Variants in ZNF689 observed in about 807,000 individuals in gnomAD.
The protein encoded by ZNF689 is short ORF-encoded histone-binding protein.
ZNF689 carries 14 observed loss-of-function variants against 37.2 expected under a neutral mutation model. That is an observed-to-expected ratio of 0.38 (90% CI 0.25 to 0.59). The LOEUF (loss-of-function observed/expected upper bound fraction) is 0.59, where lower values mean the gene tolerates loss of function less well. Ranked by LOEUF, ZNF689 falls within the 20% of genes least tolerant of loss-of-function variation. The pLI, the probability that ZNF689 is intolerant of heterozygous loss-of-function variation, is 0.68. For synonymous variants in ZNF689, 277 were observed against 283.3 expected (o/e 0.98, Z 0.22); for missense variants, 573 against 700.2 (o/e 0.82, Z 2.05).
chr16:30,604,360 C>A lies in ZNF689; in HGVS notation c.1407G>T (p.Arg469Ser), dbSNP rs771597092. Residue 469 changes from arginine to serine, a missense_variant, in exon 3 of 3, where the codon AGG (arginine) becomes AGT (serine). Arg to Ser is a moderately radical substitution (Grantham distance 110, BLOSUM62 -1). Around this residue, in one of 3 missense-constraint regions of ZNF689, gnomAD observed 317 missense variants for 367.1 expected, o/e 0.86. Transcript: ENST00000287461. The surrounding 1 kb of genome is among the most constrained non-coding windows in gnomAD (Gnocchi z 5.2). ...TACACTTGTGGACAGCCAGAGACCACCTCTGGCGGAAGCACCGGCCACACT... is the reference window on the plus strand; with the variant it reads ...TACACTTGTGGACAGCCAGAGACCAACTCTGGCGGAAGCACCGGCCACACT... ...CLECGRCFRQ[R>S]WSLAVHKCSP... 2 of 1,613,524 alleles carry A rather than the reference C, an allele frequency of 1.2e-6. No homozygotes were observed. Among genetic ancestry groups the A allele is most frequent in the African/African-American group, 2.7e-5 (2 of 74,952 alleles).
chr16:30,609,313 C>A, intron 2 of ZNF689: 25 of 277,450 alleles, frequency 9.0e-5, no homozygotes, highest in East Asian at 3.3e-4. Flanking sequence ...CCCACTGATT[C>A]ATTCACACAG....
Position 30,602,987 on chromosome 16 carries a change from T to C in ZNF689, c.*1277A>G, listed in dbSNP as rs1053913603. ...TGGCATGGATACAACTTGATGACTA[T>C]AGACTCTTCCTCTCTGGATTCAGTT... On this transcript the variant is annotated 3_prime_UTR_variant, in exon 3 of 3. Coordinates refer to ENST00000287461, the MANE Select transcript of ZNF689 (RefSeq NM_138447.3). 1 of 152,366 alleles carries C rather than the reference T, an allele frequency of 6.6e-6. No individual in the cohort carries two copies. Among genetic ancestry groups the C allele is most frequent in the Admixed American group, 6.5e-5 (1 of 15,298 alleles). The allele number at this position is 152,366 out of a possible 1,614,324, so 9.4% of individuals were successfully genotyped here.
At chr16:30,610,392 T>C (rs921239570), upstream of ZNF689, 5 of 251,592 alleles carry the variant, frequency 2.0e-5, no homozygotes, top group African/African-American at 1.1e-4. Flanking sequence ...GTAATGGCGC[T>C]GCGATTGGGC....
rs1833271502 is a variant in ZNF689 at position 30,604,864 on chromosome 16, G to T, written c.903C>A (p.Arg301=). The T allele has an allele frequency of 6.3e-7, 1 of 1,588,724 alleles. No homozygotes were observed. Among genetic ancestry groups the T allele is most frequent in the Non-Finnish European group, 8.6e-7 (1 of 1,167,188 alleles). ...CLECNRRFRQ[R]TALVIHQRIH... ...TGCGCTGGTGGATGACGAGGGCCGTGCGCTGGCGGAAGCGGCGGTTGCACT... is the reference window on the plus strand; with the variant it reads ...TGCGCTGGTGGATGACGAGGGCCGTTCGCTGGCGGAAGCGGCGGTTGCACT... Residue 301 remains arginine (R), a synonymous_variant, in exon 3 of 3, where the codon CGC becomes CGA. Coordinates refer to ENST00000287461, the MANE Select transcript of ZNF689 (RefSeq NM_138447.3). The surrounding 1 kb of genome is among the most constrained non-coding windows in gnomAD (Gnocchi z 5.2).
In ZNF689 at chr16:30,605,001, TGTGTGTGGTCCGGTG is replaced by T; in HGVS notation, c.751_765del (p.His251_His255del). 6.2e-7 allele frequency: 1 copy of T among 1,603,156 alleles called. No individual in the cohort carries two copies. The highest frequency in any genetic ancestry group is 2.2e-5 in the East Asian group (1 of 44,734). ...GGGCACTGGTGGGGTTTTTCACCTG[TGTGTGTGGTCCGGTG>T]ATTGGCCAAGGACCGGCTCCTCCGG... On this transcript the variant is annotated inframe_deletion, in exon 3 of 3. Coordinates refer to ENST00000287461, the MANE Select transcript of ZNF689 (RefSeq NM_138447.3). The surrounding 1 kb of genome is among the most constrained non-coding windows in gnomAD (Gnocchi z 5.1).
Position 30,605,229 on chromosome 16 carries a change from G to A in ZNF689, c.538C>T (p.Pro180Ser). The A allele has an allele frequency of 6.2e-7, 1 of 1,614,028 alleles. No homozygotes were observed. The highest frequency in any genetic ancestry group is 8.5e-7 in the Non-Finnish European group (1 of 1,179,922). The change falls in exon 3 of 3, where the codon CCA becomes TCA. Residue 180 changes from proline to serine, a missense_variant. Physicochemically the swap from Pro to Ser is moderately conservative, Grantham distance 74. Coordinates refer to ENST00000287461, the MANE Select transcript of ZNF689 (RefSeq NM_138447.3). The surrounding 1 kb of genome is among the most constrained non-coding windows in gnomAD (Gnocchi z 5.1). ...AQNLKKPYPCPDCGRRFSYPS... is the reference protein window; with the variant it reads ...AQNLKKPYPCSDCGRRFSYPS... ...TAGGAAAAGCGGCGCCCACAGTCTG[G>A]GCAAGGGTAAGGCTTTTTTAGATTC...
chr16:30,604,157 G>A lies in ZNF689; in HGVS notation c.*107C>T. 8.2e-7 allele frequency: 1 copy of A among 1,213,382 alleles called. No individual in the cohort carries two copies. The highest frequency in any genetic ancestry group is 1.2e-6 in the Non-Finnish European group (1 of 836,976). The allele number at this position is 1,213,382 out of a possible 1,614,324, so 75.2% of individuals were successfully genotyped here. A position where few individuals can be genotyped will look rare whatever the true frequency, so the allele number is the denominator to read the frequency against. ...ATACAAAGTTCAGCTCTGTGCAGCA[G>A]GAGACCCGGGTTTAGTTCTGACTCT... On this transcript the variant is annotated 3_prime_UTR_variant, in exon 3 of 3. Coordinates refer to ENST00000287461, the MANE Select transcript of ZNF689 (RefSeq NM_138447.3). This position sits in a 1 kb window ranked among gnomAD's most constrained non-coding sequence, Gnocchi z 5.2.
rs149117094 is a variant in ZNF689 at position 30,605,829 on chromosome 16, G to A, written c.320-382C>T. On this transcript the variant is annotated intron_variant, in intron 2 of 2. Coordinates refer to ENST00000287461, the MANE Select transcript of ZNF689 (RefSeq NM_138447.3). This position sits in a 1 kb window ranked among gnomAD's most constrained non-coding sequence, Gnocchi z 5.1. ...AAAAATTAGCCGGGCGTGGTGGCAC[G>A]CACCTGTAATCCCAGCTACCCAGAA... Among the ~76,000 whole-genome samples the A allele has an allele frequency of 0.012, 1,873 of 151,918 alleles. 35 individuals carry two copies. The highest frequency in any genetic ancestry group is 0.04 in the African/African-American group (1,656 of 41,418).
In ZNF689 at chr16:30,604,587, TGCTGCGATGGATGGCCAGGGAGCC is replaced by T. The variant is rs1317384953; in HGVS notation, c.1156_1179del (p.Gly386_Ser393del). The stretch of plus-strand genomic sequence containing the variant: ...GCGTGCAGCTTCTCCTCTGTGTGCG[TGCTGCGATGGATGGCCAGGGAGCC>T]GCTCCGCCGGAAGGCACGCCCACAG... On this transcript the variant is annotated inframe_deletion, in exon 3 of 3. Coordinates refer to ENST00000287461, the MANE Select transcript of ZNF689 (RefSeq NM_138447.3). This position sits in a 1 kb window ranked among gnomAD's most constrained non-coding sequence, Gnocchi z 5.2. 1.9e-6 allele frequency: 3 copies of T among 1,592,868 alleles called. No homozygotes were observed. Among genetic ancestry groups the T allele is most frequent in the Non-Finnish European group, 2.6e-6 (3 of 1,170,080 alleles).
rs760374634 is a variant in ZNF689 at position 30,604,367 on chromosome 16, C to A, written c.1400G>T (p.Arg467Leu). The A allele has an allele frequency of 1.9e-6, 3 of 1,613,416 alleles. No homozygotes were observed. The African/African-American group carries it at 4.0e-5, about 22-fold the overall frequency. Residue 467 changes from arginine to leucine, a missense_variant, in exon 3 of 3, where the codon CGC becomes CTC. Physicochemically the swap from Arg to Leu is moderately radical, Grantham distance 102. This residue lies in a region of ZNF689 where 317 missense variants were observed against 367.1 expected (regional missense o/e 0.86). Transcript: ENST00000287461. This position sits in a 1 kb window ranked among gnomAD's most constrained non-coding sequence, Gnocchi z 5.2. ...FPCLECGRCF[R>L]QRWSLAVHKC... is the part of the protein sequence containing the mutation. ...GTGGACAGCCAGAGACCACCTCTGG[C>A]GGAAGCACCGGCCACACTCGAGGCA...
At chr16:30,609,702 G>T (rs868526372) in intron 1 of ZNF689, 64 bp from the exon 2 acceptor site, 3 of 1,605,948 alleles carry the variant, frequency 1.9e-6, no homozygotes, top group East Asian at 4.5e-5. Flanking sequence ...TCTCCCCGAC[G>T]GCACCTCCTG....
rs2051993756 is a variant in ZNF689 at position 30,603,062 on chromosome 16, GCTGA to G, written c.*1198_*1201del. On this transcript the variant is annotated 3_prime_UTR_variant, in exon 3 of 3. Coordinates refer to ENST00000287461, the MANE Select transcript of ZNF689 (RefSeq NM_138447.3). ...GCCTCAGCTCATTTTGTGAAAAAATGCTGACTGAGGCCTCATGGAAGTTCTGTGC... is the reference window on the plus strand; with the variant it reads ...GCCTCAGCTCATTTTGTGAAAAAATGCTGAGGCCTCATGGAAGTTCTGTGC... 1.3e-5 allele frequency: 2 copies of G among 152,156 alleles called. No homozygotes were observed. Among genetic ancestry groups the G allele is most frequent in the Admixed American group, 6.6e-5 (1 of 15,264 alleles). The allele number at this position is 152,156 out of a possible 1,614,324, so 9.4% of individuals were successfully genotyped here. A position where few individuals can be genotyped will look rare whatever the true frequency, so the allele number is the denominator to read the frequency against.
Position 30,604,975 on chromosome 16 carries a change from A to G in ZNF689, c.792T>C (p.Pro264=). 1.9e-6 allele frequency: 3 copies of G among 1,590,350 alleles called. No individual in the cohort carries two copies. Among genetic ancestry groups the G allele is most frequent in the African/African-American group, 1.3e-5 (1 of 74,634 alleles). ...THTGEKPHQC[P]SCGRRFAYPS... is the part of the protein sequence containing the mutation. ...GGTAGGCGAAGCGACGTCCACAGCT[A>G]GGGCACTGGTGGGGTTTTTCACCTG... is the stretch of plus-strand genomic sequence containing the variant. Residue 264 remains proline, a synonymous_variant, in exon 3 of 3, where the codon CCT becomes CCC. Transcript: ENST00000287461. The surrounding 1 kb of genome is among the most constrained non-coding windows in gnomAD (Gnocchi z 5.2).
Position 30,609,615 on chromosome 16 carries a change from G to C in ZNF689, c.229C>G (p.Leu77Val), listed in dbSNP as rs771853380. The change falls in exon 2 of 3, where the codon CTC becomes GTC. Residue 77 changes from leucine (L) to valine (V), a missense_variant. Around this residue, in one of 3 missense-constraint regions of ZNF689, gnomAD observed 252 missense variants for 313.3 expected, o/e 0.80. Transcript: ENST00000287461. ...ALGCAGPKPALISWLERNTDD... is the reference protein window; with the variant it reads ...ALGCAGPKPAVISWLERNTDD... ...GTGTTTCGTTCCAACCAGGAGATGA[G>C]GGCTGGTTTGGGACCTGCGCACCCT... 1.2e-6 allele frequency: 2 copies of C among 1,614,040 alleles called. No homozygotes were observed. Among genetic ancestry groups the C allele is most frequent in the Non-Finnish European group, 1.7e-6 (2 of 1,180,006 alleles).
rs1292555089 is a variant in ZNF689, at chr16:30,602,859, G to C, written c.*1405C>G. Reference sequence around the variant, plus strand: ...TGCCCAAGGCAAAGTGGTAGGCCTTGTTCACATTTAACTCGGTAAAGCTTT... The same window carrying C: ...TGCCCAAGGCAAAGTGGTAGGCCTTCTTCACATTTAACTCGGTAAAGCTTT... On this transcript the variant is annotated 3_prime_UTR_variant, in exon 3 of 3. Transcript: ENST00000287461. 1 of 152,186 alleles carries C rather than the reference G, an allele frequency of 6.6e-6. No individual in the cohort carries two copies. Among genetic ancestry groups the C allele is most frequent in the African/African-American group, 2.4e-5 (1 of 41,436 alleles). 9.4% of individuals were successfully genotyped at this position (152,186 alleles called of 1,614,324 possible). A position where few individuals can be genotyped will look rare whatever the true frequency, so the allele number is the denominator to read the frequency against.
chr16:30,604,188 G>T lies in ZNF689; in HGVS notation c.*76C>A. ...CCGGGTTTAGTTCTGACTCTGCCCT[G>T]TATGACCTGGGGCTCCTCCTTCCCT... is the stretch of plus-strand genomic sequence containing the variant. On this transcript the variant is annotated 3_prime_UTR_variant, in exon 3 of 3. Coordinates refer to ENST00000287461, the MANE Select transcript of ZNF689 (RefSeq NM_138447.3). The surrounding 1 kb of genome is among the most constrained non-coding windows in gnomAD (Gnocchi z 5.2). The T allele has an allele frequency of 6.6e-7, 1 of 1,517,582 alleles. No individual in the cohort carries two copies. The highest frequency in any genetic ancestry group is 9.1e-7 in the Non-Finnish European group (1 of 1,101,294). The allele number at this position is 1,517,582 out of a possible 1,614,324, so 94.0% of individuals were successfully genotyped here.
chr16:30,605,439 T>C lies in ZNF689; in HGVS notation c.328A>G (p.Thr110Ala). 6.2e-7 allele frequency: 1 copy of C among 1,611,694 alleles called. No homozygotes were observed. The highest frequency in any genetic ancestry group is 8.5e-7 in the Non-Finnish European group (1 of 1,179,482). The change falls in exon 3 of 3, where the codon ACC becomes GCC. Residue 110 changes from threonine to alanine, a missense_variant. Thr to Ala is a moderately conservative substitution (Grantham distance 58, BLOSUM62 0). Around this residue, in one of 3 missense-constraint regions of ZNF689, gnomAD observed 252 missense variants for 313.3 expected, o/e 0.80. Transcript: ENST00000287461. This position sits in a 1 kb window ranked among gnomAD's most constrained non-coding sequence, Gnocchi z 5.1. ...TCCTTCTCCCCATTCTTCTTTCTGG[T>C]TCTGCTTTCTATAGAAATACAGAAG... Reference protein sequence around the residue: ...RGLTVQRKSRTRKKNGEKEVF... With the variant: ...RGLTVQRKSRARKKNGEKEVF...
chr16:30,609,804 G>A (rs757967071), intron 1 of ZNF689, 33 bp downstream of exon 1: 1 of 1,578,644 alleles, frequency 6.3e-7, no homozygotes, highest in Admixed American at 1.9e-5. Context: ...GCATCCCTTC[G>A]CGCCCCGCGG....
chr16:30,610,398 T>G (rs1048754107), upstream of ZNF689: 3 of 240,092 alleles, frequency 1.2e-5, no homozygotes, highest in Non-Finnish European at 1.6e-5. Context: ...GCGCTGCGAT[T>G]GGGCTTCACG....
Sources: allele counts gnomAD v4.1 joint callset (sites outside exome capture counted in the v4.1 genomes callset), GRCh38; gene constraint gnomAD v4.1.1; regional missense constraint gnomAD v4.1.1; non-coding constraint Gnocchi (gnomAD v3.1); transcripts MANE v1.5; gene names NCBI Gene and HGNC (gene_info 2026-07-23, HGNC 2026-07-21).